The following TASOR variants were observed in gnomAD, a reference collection of about 807,000 sequenced individuals.
The protein encoded by TASOR is protein TASOR.
In TASOR, 53 loss-of-function variants were observed where a neutral mutation model predicts 178.6. The observed-to-expected ratio is 0.30, with a 90% CI of 0.24 to 0.37. The LOEUF is 0.37. TASOR is among the 10% of genes least tolerant of loss of function. The pLI is 1.00. For synonymous variants in TASOR, 713 were observed against 696.2 expected, an observed-to-expected ratio of 1.02 and a Z score of -0.38; for missense variants, 1,815 against 1,971.4, an observed-to-expected ratio of 0.92 and a Z score of 1.50.
intron 9 of TASOR, among the ~76,000 whole-genome samples, chr3:56,661,240 AGG>A (rs1284114197): frequency 3.3e-5 from 5 of 152,138 alleles, no homozygotes; most frequent in Non-Finnish European, 2.9e-5. Context: ...TCAACCTCCT[AGG>A]ATCAAGTGAT....
chr3:56,662,510 T>C lies in TASOR; in HGVS notation c.1055-20A>G, dbSNP rs1375981940. The C allele has an allele frequency of 7.1e-6, 9 of 1,268,246 alleles. No homozygotes were observed. Among genetic ancestry groups the C allele is most frequent in the Non-Finnish European group, 9.9e-6 (9 of 906,238 alleles). The allele number at this position is 1,268,246 out of a possible 1,614,324, so 78.6% of individuals were successfully genotyped here. A position where few individuals can be genotyped will look rare whatever the true frequency, so the allele number is the denominator to read the frequency against. On this transcript the variant is annotated intron_variant, in intron 8 of 23. Transcript: ENST00000683822. ...ATTTATCTAAATAAAAAGAATATAA[T>C]GACACAGCTTAGTCACTTGGCAGCC...
chr3:56,637,437 G>A (rs1393382216), intron 17 of TASOR, among the ~76,000 whole-genome samples: 7 of 152,056 alleles, frequency 4.6e-5, no homozygotes, highest in South Asian at 4.2e-4. Flanking sequence ...CAGGAGAATC[G>A]CTTAACCCAG....
In TASOR at chr3:56,683,122, C is replaced by G; in HGVS notation, c.-116G>C. 8.2e-7 allele frequency: 1 copy of G among 1,220,404 alleles called. No homozygotes were observed. Among genetic ancestry groups the G allele is most frequent in the Non-Finnish European group, 1.1e-6 (1 of 904,684 alleles). The allele number at this position is 1,220,404 out of a possible 1,614,324, so 75.6% of individuals were successfully genotyped here. A position where few individuals can be genotyped will look rare whatever the true frequency, so the allele number is the denominator to read the frequency against. On this transcript the variant is annotated 5_prime_UTR_variant, in exon 1 of 24. Coordinates refer to ENST00000683822, the MANE Select transcript of TASOR (RefSeq NM_001365635.2). ...TGCTCTCAGCCCACCCACCCCCTTC[C>G]CCCCGTGGCCTCAGGCTGCGCTCCC...
chr3:56,621,447 C>A lies in TASOR; in HGVS notation c.*1590G>T. The A allele has an allele frequency of 1.1e-6, 1 of 933,718 alleles. No homozygotes were observed. The highest frequency in any genetic ancestry group is 1.6e-6 in the Non-Finnish European group (1 of 634,398). The allele number at this position is 933,718 out of a possible 1,614,324, so 57.8% of individuals were successfully genotyped here. A position where few individuals can be genotyped will look rare whatever the true frequency, so the allele number is the denominator to read the frequency against. On this transcript the variant is annotated 3_prime_UTR_variant, in exon 24 of 24. Coordinates refer to ENST00000683822, the MANE Select transcript of TASOR (RefSeq NM_001365635.2). ...ATTTTATCCTAAGCGATATGTTTTC[C>A]AAGTGAATATAATTCTAGTTTAACA...
intron 1 of TASOR, among the ~76,000 whole-genome samples, chr3:56,676,348 C>T (rs1197739517): frequency 5.3e-5 from 8 of 152,082 alleles, no homozygotes; most frequent in East Asian, 1.9e-4. Flanking sequence ...CAGTAATATA[C>T]GAAACACAAA....
intron 14 of TASOR, among the ~76,000 whole-genome samples, chr3:56,643,586 C>G (rs1428201743): frequency 2.6e-5 from 4 of 151,978 alleles, no homozygotes; most frequent in Non-Finnish European, 4.4e-5. Flanking sequence ...CACGGTGAAA[C>G]CCCGTCTCTG....
rs112013983 is a variant in TASOR at position 56,664,021 on chromosome 3, G to T, written c.1023-449C>A. 3.5e-3 allele frequency: 750 copies of T among 212,488 alleles called. 8 individuals carry two copies. Among genetic ancestry groups the T allele is most frequent in the African/African-American group, 0.017 (703 of 42,294 alleles). 13.2% of individuals were successfully genotyped at this position (212,488 alleles called of 1,614,324 possible). A position where few individuals can be genotyped will look rare whatever the true frequency, so the allele number is the denominator to read the frequency against. On this transcript the variant is annotated intron_variant, in intron 7 of 23. Coordinates refer to ENST00000683822, the MANE Select transcript of TASOR (RefSeq NM_001365635.2). The stretch of plus-strand genomic sequence containing the variant: ...AAGTTCCAACCTACATAAATCTAAT[G>T]AGGAAGACAGAAAACAATGATATAT...
intron 11 of TASOR, among the ~76,000 whole-genome samples, chr3:56,652,781 A>G (rs1192300118): frequency 6.6e-6 from 1 of 152,192 alleles, no homozygotes; most frequent in Non-Finnish European, 1.5e-5. Context: ...TAAAAATAAA[A>G]AACATTCCCT....
intron 16 of TASOR, among the ~76,000 whole-genome samples, chr3:56,639,385 T>C (rs35785755): frequency 0.033 from 4,854 of 149,142 alleles, 108 homozygotes; most frequent in Middle Eastern, 0.078. Context: ...ATGTATGTGT[T>C]TGCACAGAGA....
At chr3:56,635,133 G>C (rs1022187421) in intron 17 of TASOR, among the ~76,000 whole-genome samples, 5 of 152,150 alleles carry the variant, frequency 3.3e-5, no homozygotes, top group African/African-American at 1.2e-4. Context: ...TTTTCTAAAG[G>C]TTTAAATAGC....
chr3:56,623,094 T>G lies in TASOR; in HGVS notation c.4956A>C (p.Pro1652=). 6.2e-7 allele frequency: 1 copy of G among 1,609,894 alleles called. No individual in the cohort carries two copies. Among genetic ancestry groups the G allele is most frequent in the African/African-American group, 1.3e-5 (1 of 74,910 alleles). Residue 1652 remains proline (P), a synonymous_variant, in exon 24 of 24, where the codon CCA becomes CCC. Transcript: ENST00000683822. ...YTESLDRDKS[P]PPLSWGKSDS... is the part of the protein sequence containing the mutation. ...CACTTTTCCCCCAACTTAAGGGAGG[T>G]GGAGATTTATCTCTATCCAAGCTTT...
intron 3 of TASOR, 113 bp downstream of exon 3, chr3:56,671,487 C>A: frequency 5.7e-6 from 4 of 701,846 alleles, no homozygotes; most frequent in Non-Finnish European, 6.9e-6. Context: ...ATGTATTCCA[C>A]TTATATATCA....
chr3:56,660,444 T>A (rs554175527), intron 11 of TASOR, among the ~76,000 whole-genome samples: 37 of 135,092 alleles, frequency 2.7e-4, no homozygotes, highest in Middle Eastern at 4.5e-3. Context: ...TGAGCCAAGA[T>A]CACGCCACTG....
intron 22 of TASOR, 82 bp downstream of exon 22, chr3:56,624,746 G>T: frequency 6.5e-7 from 1 of 1,548,432 alleles, no homozygotes; most frequent in Non-Finnish European, 8.8e-7. Context: ...TCAAAGCTTA[G>T]CAATACCCAC....
intron 17 of TASOR, among the ~76,000 whole-genome samples, chr3:56,638,291 G>A (rs1451899282): frequency 1.3e-5 from 2 of 151,958 alleles, no homozygotes; most frequent in Non-Finnish European, 2.9e-5. Context: ...CTTGAACCTC[G>A]GGAGGCAGAG....
chr3:56,680,807 T>C (rs1362118546), intron 1 of TASOR, among the ~76,000 whole-genome samples: 2 of 152,130 alleles, frequency 1.3e-5, no homozygotes, highest in Non-Finnish European at 2.9e-5. Flanking sequence ...GCGATATATT[T>C]TCCTCCCAAC....
intron 1 of TASOR, among the ~76,000 whole-genome samples, chr3:56,677,529 G>C (rs1404864214): frequency 2.0e-5 from 3 of 152,164 alleles, no homozygotes; most frequent in African/African-American, 7.2e-5. Flanking sequence ...CAGGGTTAAT[G>C]AATGAATCAA....
chr3:56,642,851 C>T (rs1020255253), intron 14 of TASOR, among the ~76,000 whole-genome samples: 3 of 152,168 alleles, frequency 2.0e-5, no homozygotes, highest in Admixed American at 6.5e-5. Context: ...TGGCATGAAC[C>T]TGTAGTCCCA....
At chr3:56,641,310 A>T (rs375035045) in intron 15 of TASOR, 39 bp downstream of exon 15, 1 of 1,535,180 alleles carries the variant, frequency 6.5e-7, no homozygotes, top group Non-Finnish European at 8.8e-7. Context: ...TCACACACAC[A>T]CTCACAAACA....
Sources: allele counts gnomAD v4.1 joint callset (sites outside exome capture counted in the v4.1 genomes callset), GRCh38; gene constraint gnomAD v4.1.1; transcripts MANE v1.5; gene names NCBI Gene and HGNC (gene_info 2026-07-23, HGNC 2026-07-21).